The following USP47 variants were observed in gnomAD, a reference collection of about 807,000 sequenced individuals.
USP47 encodes the protein ubiquitin carboxyl-terminal hydrolase 47.
In USP47, 35 loss-of-function variants were observed where a neutral mutation model predicts 165.1. That is an observed-to-expected ratio of 0.21 (90% confidence interval 0.16 to 0.28). The LOEUF is 0.28. Among genes scored for constraint, USP47 ranks in the 10% least tolerant of loss-of-function variants. USP47 has a pLI of 1.00. For synonymous variants in USP47, 531 were observed against 544.5 expected (o/e 0.98, Z 0.35); for missense variants, 1,277 against 1,607.4 (o/e 0.79, Z 3.52).
chr11:11,893,137 C>T (rs1851647934), intron 4 of USP47, among the ~76,000 whole-genome samples: 2 of 151,946 alleles, frequency 1.3e-5, no homozygotes, highest in Non-Finnish European at 2.9e-5. Flanking sequence ...CTTTTTTATG[C>T]AAAGGTTTAT....
chr11:11,915,598 G>C (rs1054985365), intron 8 of USP47, among the ~76,000 whole-genome samples: 1 of 152,126 alleles, frequency 6.6e-6, no homozygotes, highest in East Asian at 1.9e-4. Context: ...CCAGTAAACT[G>C]GGGGAAGTGT....
rs1856109673 is a variant in USP47, at chr11:11,949,987, A to G, written c.3447A>G (p.Leu1149=). ...CTCAGCTCAGGGAGCAATGTGGTTT[A>G]GAGCTCAGTATTGACAGGTAAAGTA... The part of the protein sequence containing the change: ...LIPQLREQCG[L]ELSIDRFRLR... Residue 1149 remains leucine (L), a synonymous_variant, in exon 23 of 28, where the codon TTA becomes TTG. Coordinates refer to ENST00000527733, the MANE Select transcript of USP47 (RefSeq NM_001282659.2). The G allele has an allele frequency of 1.2e-6, 2 of 1,611,332 alleles. No homozygotes were observed. Among genetic ancestry groups the G allele is most frequent in the African/African-American group, 2.7e-5 (2 of 74,766 alleles).
At chr11:11,877,789 T>TTCTC (rs902594958) in intron 1 of USP47, among the ~76,000 whole-genome samples, 28 of 121,264 alleles carry the variant, frequency 2.3e-4, no homozygotes, top group African/African-American at 6.9e-4. Context: ...CTCTCTCTCT[T>TTCTC]TCTCTCTCTC....
chr11:11,906,660 A>G (rs549142298), intron 8 of USP47, among the ~76,000 whole-genome samples: 6 of 152,298 alleles, frequency 3.9e-5, no homozygotes, highest in African/African-American at 1.2e-4. Context: ...CTTCCTGAGT[A>G]TATTTGAAAA....
chr11:11,844,414 T>C (rs903434354), intron 1 of USP47, among the ~76,000 whole-genome samples: 4 of 152,184 alleles, frequency 2.6e-5, no homozygotes, highest in Non-Finnish European at 4.4e-5. Flanking sequence ...CATACAGTGC[T>C]AGAGCTAAGA....
chr11:11,903,654 A>C (rs969169409), intron 7 of USP47, among the ~76,000 whole-genome samples: 2 of 152,168 alleles, frequency 1.3e-5, no homozygotes, highest in African/African-American at 4.8e-5. Flanking sequence ...TGATTTTTGA[A>C]CAGCATTTTC....
At chr11:11,889,546 A>T (rs957882060) in intron 3 of USP47, among the ~76,000 whole-genome samples, 2 of 152,232 alleles carry the variant, frequency 1.3e-5, no homozygotes, top group African/African-American at 4.8e-5. Context: ...CTGCTGAAAT[A>T]AATCAGAGAA....
chr11:11,929,607 A>T, intron 12 of USP47, 42 bp downstream of exon 12: 1 of 1,600,300 alleles, frequency 6.2e-7, no homozygotes, highest in Non-Finnish European at 8.5e-7. Context: ...GAAAGGTGGG[A>T]GTAAGGATGT....
chr11:11,842,125 C>G lies in USP47; in HGVS notation c.-61C>G, dbSNP rs369504560. On this transcript the variant is annotated 5_prime_UTR_variant, in exon 1 of 28. Coordinates refer to ENST00000527733, the MANE Select transcript of USP47 (RefSeq NM_001282659.2). Reference sequence around the variant, plus strand: ...CCGCTGCCATTCTCTCTTGAGCTAGCGAGCCGCCGCCACCCTCCACCCTCC... The same window carrying G: ...CCGCTGCCATTCTCTCTTGAGCTAGGGAGCCGCCGCCACCCTCCACCCTCC... The G allele has an allele frequency of 2.8e-4, 425 of 1,541,286 alleles. 1 individual carries two copies. The African/African-American group carries it at 3.1e-3, about 11-fold the overall frequency.
At chr11:11,877,981 C>A (rs1850585189) in intron 1 of USP47, among the ~76,000 whole-genome samples, 1 of 151,634 alleles carries the variant, frequency 6.6e-6, no homozygotes, top group African/African-American at 2.4e-5. Flanking sequence ...TTAAAAAAAG[C>A]AAAATTATTT....
At position 11,930,125 on chromosome 11, in the gene USP47, G is replaced by A. The variant is rs770197796; in HGVS notation, c.1595+5G>A. On this transcript the variant is annotated splice_donor_5th_base_variant and intron_variant, in intron 13 of 27. Transcript: ENST00000527733. ...TTATTCTAGTGCTTTCGCAAGGTAA[G>A]CAATTTCCTAATTTTCAGTGTTTAA... 2 of 1,608,918 alleles carry A rather than the reference G, an allele frequency of 1.2e-6. No individual in the cohort carries two copies. The highest frequency in any genetic ancestry group is 1.7e-5 in the Admixed American group (1 of 59,794).
rs1373340805 is a variant in USP47, at chr11:11,956,027, T to C, written c.3920T>C (p.Leu1307Ser). ...GATAAAACAGAAGAATTAATGGAAT[T>C]GACAGATGAGCAAAGAAATGAACTG... The part of the protein sequence containing the change: ...YRDKTEELME[L>S]TDEQRNELMK... The change falls in exon 28 of 28, where the codon TTG (leucine) becomes TCG (serine). Residue 1307 changes from leucine (L) to serine (S), a missense_variant. Leu to Ser is a moderately radical substitution (Grantham distance 145). Coordinates refer to ENST00000527733, the MANE Select transcript of USP47 (RefSeq NM_001282659.2). 1.3e-6 allele frequency: 2 copies of C among 1,583,870 alleles called. No homozygotes were observed. Among genetic ancestry groups the C allele is most frequent in the East Asian group, 4.5e-5 (2 of 44,574 alleles).
chr11:11,878,140 T>G (rs1850597785), intron 1 of USP47, among the ~76,000 whole-genome samples: 1 of 152,088 alleles, frequency 6.6e-6, no homozygotes, highest in Admixed American at 6.6e-5. Flanking sequence ...GCATCTGGGG[T>G]GCTTGGACCC....
chr11:11,914,918 G>A (rs1853297085), intron 8 of USP47, among the ~76,000 whole-genome samples: 1 of 152,096 alleles, frequency 6.6e-6, no homozygotes, highest in South Asian at 2.1e-4. Flanking sequence ...GAAATGTTAT[G>A]GGTAGTTTCT....
chr11:11,926,730 A>T, intron 11 of USP47, among the ~76,000 whole-genome samples: 4 of 141,192 alleles, frequency 2.8e-5, no homozygotes, highest in African/African-American at 5.2e-5. Context: ...CTCTTTTTTT[A>T]CATCCCTCCT....
chr11:11,842,476 A>G (rs1294793898), intron 1 of USP47, among the ~76,000 whole-genome samples: 1 of 152,242 alleles, frequency 6.6e-6, no homozygotes, highest in Non-Finnish European at 1.5e-5. Context: ...CGGACGGGAA[A>G]GAATCAGGTT....
rs201876070 is a variant in USP47, at chr11:11,884,578, C to T, written c.355C>T (p.Leu119=). ...DKDGEQPQIL[L]EDSSAGEDSV... ...AGATGGTGAACAACCTCAAATACTG[C>T]TGGTAAGCTACTTAGAAAGCCCCAT... is the stretch of plus-strand genomic sequence containing the variant. Residue 119 remains leucine, a splice_region_variant and synonymous_variant, in exon 3 of 28, where the codon CTG becomes TTG. Transcript: ENST00000527733. 7.5e-6 allele frequency: 12 copies of T among 1,599,090 alleles called. No individual in the cohort carries two copies. The highest frequency in any genetic ancestry group is 1.3e-5 in the African/African-American group (1 of 74,202).
At chr11:11,937,795 TA>T (rs1855182885) in intron 17 of USP47, among the ~76,000 whole-genome samples, 1 of 151,908 alleles carries the variant, frequency 6.6e-6, no homozygotes, top group South Asian at 2.1e-4. Context: ...AACATGAGGT[TA>T]AAACAGATAC....
Position 11,944,338 on chromosome 11 carries a change from A to G in USP47, c.3091+1226A>G, listed in dbSNP as rs538473430. Among the ~76,000 whole-genome samples the G allele has an allele frequency of 2.5e-4, 38 of 152,164 alleles. No individual in the cohort carries two copies. The South Asian group carries it at 7.9e-3, about 32-fold the overall frequency. ...CTGCTAAAACAAAGTAGTAGAAATTATGAAATAATACAAGTATTTAAATTT... is the reference window on the plus strand; with the variant it reads ...CTGCTAAAACAAAGTAGTAGAAATTGTGAAATAATACAAGTATTTAAATTT... On this transcript the variant is annotated intron_variant, in intron 20 of 27. Transcript: ENST00000527733.
Sources: allele counts gnomAD v4.1 joint callset (sites outside exome capture counted in the v4.1 genomes callset), GRCh38; gene constraint gnomAD v4.1.1; transcripts MANE v1.5; gene names NCBI Gene and HGNC (gene_info 2026-07-23, HGNC 2026-07-21).